Variants in EPHB2 observed in about 807,000 individuals in gnomAD.
EPHB2 encodes the protein ephrin type-B receptor 2.
A neutral mutation model predicts 96.4 loss-of-function variants in EPHB2; 18 were observed. The ratio of observed to expected loss-of-function variants is 0.19; its 90% CI spans 0.13 to 0.28. EPHB2 has a LOEUF of 0.28. Ranked by LOEUF, EPHB2 falls within the 10% of genes least tolerant of loss-of-function variation. The pLI, the probability that EPHB2 is intolerant of heterozygous loss-of-function variation, is 1.00. For synonymous variants in EPHB2, 506 were observed against 534.1 expected (o/e 0.95, Z 0.72); for missense variants, 989 against 1,355.4 (o/e 0.73, Z 4.25).
At chr1:22,781,820 A>T (rs936912913) in intron 2 of EPHB2, among the ~76,000 whole-genome samples, 1 of 152,164 alleles carries the variant, frequency 6.6e-6, no homozygotes, top group Non-Finnish European at 1.5e-5. Context: ...TCTATGTCAG[A>T]TACTGTATTA....
rs77678992 is a variant in EPHB2, at chr1:22,780,310, C to T, written c.62-1111C>T. On this transcript the variant is annotated intron_variant, in intron 1 of 15. Coordinates refer to ENST00000374630, the MANE Select transcript of EPHB2 (RefSeq NM_017449.5). ...CATGGCTCCCTGCAGCTGCTGGAAT[C>T]GGGGGAGGCAAGTGGGGCCCAGGAT... Among the ~76,000 whole-genome samples, 224 of 152,268 alleles carry T rather than the reference C, an allele frequency of 1.5e-3. 8 individuals are homozygous for T. In the East Asian group the frequency reaches 0.034, roughly 23 times the overall value.
intron 1 of EPHB2, among the ~76,000 whole-genome samples, chr1:22,724,073 AAG>A (rs921732082): frequency 1.9e-4 from 29 of 152,246 alleles, no homozygotes; most frequent in African/African-American, 6.3e-4. Flanking sequence ...TAAATGGAGA[AAG>A]AGCTGATTTC....
intron 1 of EPHB2, among the ~76,000 whole-genome samples, chr1:22,771,475 A>G (rs1644378943): frequency 6.6e-6 from 1 of 152,196 alleles, no homozygotes; most frequent in South Asian, 2.1e-4. Flanking sequence ...GGAGATGCAC[A>G]CAACTTAGAA....
chr1:22,880,381 C>T (rs976128765), intron 5 of EPHB2, among the ~76,000 whole-genome samples: 3 of 152,212 alleles, frequency 2.0e-5, no homozygotes, highest in African/African-American at 7.2e-5. Flanking sequence ...GAAGTGTCAG[C>T]CTCCACTTTC....
chr1:22,840,780 A>T (rs1031663922), intron 3 of EPHB2, among the ~76,000 whole-genome samples: 1 of 152,168 alleles, frequency 6.6e-6, no homozygotes, highest in Admixed American at 6.5e-5. Flanking sequence ...ATTTTAGAAC[A>T]TGGAAGAATG....
chr1:22,716,107 G>A (rs919049002), intron 1 of EPHB2, among the ~76,000 whole-genome samples: 5 of 152,226 alleles, frequency 3.3e-5, no homozygotes, highest in Admixed American at 3.3e-4. Flanking sequence ...AGTGTGGACA[G>A]ACTCAGACTC....
chr1:22,863,360 C>T (rs139990297), intron 4 of EPHB2, 168 bp downstream of exon 4: 1 of 1,069,948 alleles, frequency 9.3e-7, no homozygotes, highest in Non-Finnish European at 1.4e-6. Flanking sequence ...GGCCATGCTC[C>T]CACCTTGCAG....
Position 22,914,112 on chromosome 1 carries a change from G to A in EPHB2, c.*542G>A. 1 of 502,558 alleles carries A rather than the reference G, an allele frequency of 2.0e-6. No individual in the cohort carries two copies. Among genetic ancestry groups the A allele is most frequent in the Non-Finnish European group, 3.4e-6 (1 of 290,908 alleles). 31.1% of individuals were successfully genotyped at this position (502,558 alleles called of 1,614,324 possible). On this transcript the variant is annotated 3_prime_UTR_variant, in exon 16 of 16. Transcript: ENST00000374630. ...GACAGCCACCCTGAGAACCCCTCTG[G>A]GAAAATCTATTCCTGCCACCACTGG...
chr1:22,785,350 A>G (rs894534802), intron 3 of EPHB2, among the ~76,000 whole-genome samples: 1 of 152,256 alleles, frequency 6.6e-6, no homozygotes, highest in Non-Finnish European at 1.5e-5. Flanking sequence ...TTACATCATC[A>G]TATGAGTATG....
chr1:22,801,247 G>A (rs1010105053), intron 3 of EPHB2, among the ~76,000 whole-genome samples: 13 of 152,186 alleles, frequency 8.5e-5, no homozygotes, highest in African/African-American at 2.9e-4. Context: ...TTACGTTTAC[G>A]AAGCACTTTC....
chr1:22,812,626 A>G (rs1363707240), intron 3 of EPHB2, among the ~76,000 whole-genome samples: 1 of 152,184 alleles, frequency 6.6e-6, no homozygotes, highest in Non-Finnish European at 1.5e-5. Context: ...CACAGCCAGA[A>G]GGGCCACTCA....
chr1:22,745,024 G>A (rs1039431255), intron 1 of EPHB2, among the ~76,000 whole-genome samples: 4 of 152,200 alleles, frequency 2.6e-5, no homozygotes, highest in African/African-American at 7.2e-5. Context: ...GCAGAAGAAA[G>A]TCCAAGCATA....
rs959436836 is a variant in EPHB2 at position 22,915,081 on chromosome 1, G to C, written c.*1511G>C. 3 of 152,546 alleles carry C rather than the reference G, an allele frequency of 2.0e-5. No homozygotes were observed. The highest frequency in any genetic ancestry group is 7.2e-5 in the African/African-American group (3 of 41,420). 9.4% of individuals were successfully genotyped at this position (152,546 alleles called of 1,614,324 possible). A position where few individuals can be genotyped will look rare whatever the true frequency, so the allele number is the denominator to read the frequency against. On this transcript the variant is annotated 3_prime_UTR_variant, in exon 16 of 16. Transcript: ENST00000374630. ...CCCGGATCATTCACTGTGATACCCT[G>C]CCCTCCAGAGGGTGCGCTCAGAGAC...
At chr1:22,863,651 G>C (rs982639752) in intron 4 of EPHB2, among the ~76,000 whole-genome samples, 1 of 152,212 alleles carries the variant, frequency 6.6e-6, no homozygotes. Context: ...TAACAGAGCT[G>C]AGCCCTATGG....
intron 9 of EPHB2, among the ~76,000 whole-genome samples, chr1:22,904,017 G>A (rs144540000): frequency 3.3e-4 from 50 of 152,324 alleles, no homozygotes; most frequent in African/African-American, 1.2e-3. Context: ...GCCAGGCGCG[G>A]TGGCTCATGC....
At position 22,837,050 on chromosome 1, in the gene EPHB2, A is replaced by T. The variant is rs562421162; in HGVS notation, c.812-25987A>T. ...CAGGAGAGGCCCTACACGGCGGGGG[A>T]GGGGGGCCTGAACTGGATTTGAGTG... On this transcript the variant is annotated intron_variant, in intron 3 of 15. Transcript: ENST00000374630. Among the ~76,000 whole-genome samples the T allele has an allele frequency of 2.0e-5, 3 of 152,136 alleles. No individual in the cohort carries two copies. In the East Asian group the frequency reaches 5.8e-4, roughly 29 times the overall value.
At chr1:22,854,885 C>T (rs766998411) in intron 3 of EPHB2, among the ~76,000 whole-genome samples, 11 of 152,112 alleles carry the variant, frequency 7.2e-5, no homozygotes, top group Non-Finnish European at 1.0e-4. Flanking sequence ...AGGAAGCAGG[C>T]AAAATATAAA....
chr1:22,796,998 G>A (rs148016205), intron 3 of EPHB2, among the ~76,000 whole-genome samples: 25 of 152,350 alleles, frequency 1.6e-4, no homozygotes, highest in South Asian at 8.3e-4. Flanking sequence ...CTCATCATTA[G>A]TACATTTTTT....
chr1:22,757,916 T>C (rs1247211586), intron 1 of EPHB2, among the ~76,000 whole-genome samples: 3 of 30,446 alleles, frequency 9.9e-5, no homozygotes, highest in African/African-American at 1.4e-4. Context: ...TGCTTTTTTT[T>C]TTTTTTTTTT....
Sources: gnomAD v4.1 joint callset for allele counts (sites outside exome capture counted in the v4.1 genomes callset) on GRCh38, gnomAD v4.1.1 for gene constraint, MANE v1.5 for transcripts, NCBI Gene and HGNC (gene_info 2026-07-23, HGNC 2026-07-21) for gene names.